The following PRUNE2 variants were observed in gnomAD, a reference collection of about 807,000 sequenced individuals.
PRUNE2 encodes prune homolog 2 with BCH domain.
A neutral mutation model predicts 252.0 loss-of-function variants in PRUNE2; 164 were observed. The observed-to-expected ratio is 0.65, with a 90% CI of 0.57 to 0.74. The LOEUF is 0.74. PRUNE2 is among the 30% of genes least tolerant of loss of function. The probability of loss-of-function intolerance (pLI) is 0.00; values close to 1 mark genes in which losing one functional copy is unlikely to be tolerated. For synonymous variants in PRUNE2, 1,292 were observed against 1,350.2 expected, an observed-to-expected ratio of 0.96 and a Z score of 0.94; for missense variants, 3,495 against 3,711.0, an observed-to-expected ratio of 0.94 and a Z score of 1.51.
chr9:76,849,997 T>C (rs1252230821), intron 3 of PRUNE2, among the ~76,000 whole-genome samples: 5 of 152,210 alleles, frequency 3.3e-5, no homozygotes, highest in African/African-American at 1.2e-4. Context: ...TTTCTCTGCA[T>C]GTCCTCTGCC....
intron 1 of PRUNE2, among the ~76,000 whole-genome samples, chr9:76,874,807 A>T (rs2061392712): frequency 6.6e-6 from 1 of 152,218 alleles, no homozygotes; most frequent in Non-Finnish European, 1.5e-5. Context: ...AGTTTGCAGC[A>T]GACAAAGTAT....
chr9:76,778,263 CTCT>C (rs1459109493), intron 6 of PRUNE2: 1 of 152,198 alleles, frequency 6.6e-6, no homozygotes, highest in Non-Finnish European at 1.5e-5. Flanking sequence ...TTTCCCTCAG[CTCT>C]TCTAGAGACA....
At chr9:76,626,672 C>A (rs1834915721) in intron 16 of PRUNE2, among the ~76,000 whole-genome samples, 1 of 152,196 alleles carries the variant, frequency 6.6e-6, no homozygotes, top group Non-Finnish European at 1.5e-5. Context: ...CTCATTTGAA[C>A]TTTCCCATAT....
chr9:76,656,867 G>A (rs925349834), intron 9 of PRUNE2, among the ~76,000 whole-genome samples: 12 of 152,164 alleles, frequency 7.9e-5, no homozygotes, highest in African/African-American at 2.9e-4. Flanking sequence ...TTGACCCTGT[G>A]TGTTCTCTAA....
chr9:76,615,252 C>A (rs552639365), intron 18 of PRUNE2: 1 of 985,150 alleles, frequency 1.0e-6, no homozygotes, highest in Non-Finnish European at 1.2e-6. Flanking sequence ...CGCATCCACC[C>A]AAGAGGAAGA....
At chr9:76,753,741 C>T (rs2050840112) in intron 6 of PRUNE2, among the ~76,000 whole-genome samples, 2 of 151,898 alleles carry the variant, frequency 1.3e-5, no homozygotes, top group Admixed American at 1.3e-4. Context: ...GGTGAAACCC[C>T]GTCTATACTA....
At chr9:76,767,058 C>T (rs961366211) in intron 6 of PRUNE2, among the ~76,000 whole-genome samples, 3 of 152,164 alleles carry the variant, frequency 2.0e-5, no homozygotes, top group Non-Finnish European at 2.9e-5. Context: ...TCTGGTATAG[C>T]GTCTCCAACA....
intron 6 of PRUNE2, among the ~76,000 whole-genome samples, chr9:76,822,216 A>T (rs958671347): frequency 2.0e-5 from 3 of 152,212 alleles, no homozygotes; most frequent in Non-Finnish European, 4.4e-5. Context: ...AGTCATATGG[A>T]GCACTTATCA....
At chr9:76,766,652 C>G (rs1191187105) in intron 6 of PRUNE2, among the ~76,000 whole-genome samples, 1 of 152,148 alleles carries the variant, frequency 6.6e-6, no homozygotes, top group Non-Finnish European at 1.5e-5. Context: ...CCACTTCCCC[C>G]CAATCACAGA....
At chr9:76,732,203 A>ACT (rs1358238683) in intron 6 of PRUNE2, among the ~76,000 whole-genome samples, 1 of 152,140 alleles carries the variant, frequency 6.6e-6, no homozygotes, top group Non-Finnish European at 1.5e-5. Flanking sequence ...AGTCCCAGCT[A>ACT]CTGGGGGCTG....
At chr9:76,850,200 A>G (rs2132536516) in intron 3 of PRUNE2, among the ~76,000 whole-genome samples, 1 of 152,166 alleles carries the variant, frequency 6.6e-6, no homozygotes, top group Middle Eastern at 3.4e-3. Flanking sequence ...GGCATGCACC[A>G]CCACCCTAGC....
chr9:76,662,860 T>C (rs2133663293), intron 9 of PRUNE2, among the ~76,000 whole-genome samples: 1 of 152,342 alleles, frequency 6.6e-6, no homozygotes, highest in South Asian at 2.1e-4. Context: ...CTTAATACTC[T>C]CCTGGCTTCT....
chr9:76,737,561 G>C (rs931674915), intron 6 of PRUNE2: 1 of 152,222 alleles, frequency 6.6e-6, no homozygotes, highest in Non-Finnish European at 1.5e-5. Flanking sequence ...CAGGCAAACA[G>C]AGTAATGCAA....
At chr9:76,656,737 A>G (rs536440654) in intron 9 of PRUNE2, among the ~76,000 whole-genome samples, 54 of 152,308 alleles carry the variant, frequency 3.5e-4, no homozygotes, top group Middle Eastern at 3.4e-3. Flanking sequence ...CCTACCTTCA[A>G]AAACTCAGTG....
intron 9 of PRUNE2, among the ~76,000 whole-genome samples, chr9:76,697,085 A>G (rs2045464838): frequency 6.6e-6 from 1 of 152,180 alleles, no homozygotes; most frequent in South Asian, 2.1e-4. Context: ...CTGCTTTCGA[A>G]AGTCATGGCT....
intron 1 of PRUNE2, among the ~76,000 whole-genome samples, chr9:76,860,418 A>C (rs2060486118): frequency 6.6e-6 from 1 of 151,998 alleles, no homozygotes. Context: ...GGAGGGGATT[A>C]GTTCAAGGAA....
intron 6 of PRUNE2, among the ~76,000 whole-genome samples, chr9:76,820,356 G>A (rs186772733): frequency 6.6e-6 from 1 of 152,316 alleles, no homozygotes; most frequent in East Asian, 1.9e-4. Flanking sequence ...GAGACAAGGG[G>A]TTTAGAAGCT....
At chr9:76,790,013 G>GT (rs1350270221) in intron 6 of PRUNE2, among the ~76,000 whole-genome samples, 10 of 152,158 alleles carry the variant, frequency 6.6e-5, no homozygotes, top group African/African-American at 2.4e-4. Context: ...CCACTTCTAA[G>GT]TTAATTAAGC....
Position 76,708,391 on chromosome 9 carries a change from T to C in PRUNE2, c.3883A>G (p.Ser1295Gly), listed in dbSNP as rs756230232. The C allele has an allele frequency of 6.2e-7, 1 of 1,613,850 alleles. No homozygotes were observed. The highest frequency in any genetic ancestry group is 8.5e-7 in the Non-Finnish European group (1 of 1,179,864). ...KQDTERETLQ[S>G]DAASLATRLE... ...CTAGTCGCCAAGGATGCTGCATCAC[T>C]TTGCAGGGTTTCCCTCTCTGTGTCC... Residue 1295 changes from serine (S) to glycine (G), a missense_variant, in exon 8 of 19, where the codon AGT becomes GGT. Ser to Gly is a moderately conservative substitution (Grantham distance 56). Coordinates refer to ENST00000376718, the MANE Select transcript of PRUNE2 (RefSeq NM_015225.3).
Sources: gnomAD v4.1 joint callset for allele counts (sites outside exome capture counted in the v4.1 genomes callset) on GRCh38, gnomAD v4.1.1 for gene constraint, MANE v1.5 for transcripts, NCBI Gene and HGNC (gene_info 2026-07-23, HGNC 2026-07-21) for gene names.